EIF2AK4: variants seen among roughly 807,000 people sequenced by gnomAD.
EIF2AK4 encodes the protein eukaryotic translation initiation factor 2 alpha kinase 4, also known as eIF-2-alpha kinase GCN2.
A neutral mutation model predicts 211.1 loss-of-function variants in EIF2AK4; 139 were observed. The ratio of observed to expected loss-of-function variants is 0.66; its 90% confidence interval spans 0.57 to 0.76. EIF2AK4 has a LOEUF of 0.76. EIF2AK4 is among the 30% of genes least tolerant of loss of function. EIF2AK4 has a pLI of 0.00. For synonymous variants in EIF2AK4, 710 were observed against 751.3 expected (o/e 0.94, Z 0.90); for missense variants, 1,664 against 2,043.8 (o/e 0.81, Z 3.58).
chr15:39,972,042 G>C (rs538304715), intron 9 of EIF2AK4, among the ~76,000 whole-genome samples: 2 of 152,038 alleles, frequency 1.3e-5, no homozygotes, highest in Non-Finnish European at 2.9e-5. Flanking sequence ...TAAGTTAATG[G>C]GTTCAAGGAA....
intron 32 of EIF2AK4, among the ~76,000 whole-genome samples, chr15:40,023,259 A>G (rs542263743): frequency 6.6e-6 from 1 of 152,312 alleles, no homozygotes; most frequent in African/African-American, 2.4e-5. Flanking sequence ...ATTCAACTAA[A>G]AGTGTTCATA....
chr15:40,016,735 A>G, intron 28 of EIF2AK4, 63 bp downstream of exon 28: 1 of 1,552,340 alleles, frequency 6.4e-7, no homozygotes, highest in East Asian at 2.3e-5. Flanking sequence ...ACAGGGAGGA[A>G]ATGTGTTTCA....
chr15:39,979,587 A>C (rs2034751316), intron 13 of EIF2AK4, among the ~76,000 whole-genome samples: 1 of 152,230 alleles, frequency 6.6e-6, no homozygotes, highest in Admixed American at 6.5e-5. Context: ...TACATGTAAA[A>C]TGTACTGACA....
At chr15:40,032,344 C>A in intron 36 of EIF2AK4, 107 bp downstream of exon 36, 1 of 910,516 alleles carries the variant, frequency 1.1e-6, no homozygotes, top group Non-Finnish European at 1.8e-6. Context: ...AATTTGGATG[C>A]AGGCCTTATT....
chr15:40,027,783 C>T (rs887783399), intron 33 of EIF2AK4, among the ~76,000 whole-genome samples: 26 of 151,702 alleles, frequency 1.7e-4, no homozygotes, highest in African/African-American at 4.8e-4. Flanking sequence ...CCCAGCTACT[C>T]GGGAGGCTGA....
At chr15:40,000,872 A>T in intron 20 of EIF2AK4, 116 bp from the exon 21 acceptor site, 1 of 967,978 alleles carries the variant, frequency 1.0e-6, no homozygotes, top group Non-Finnish European at 1.6e-6. Flanking sequence ...AATGTCAGTT[A>T]AGTGCAAGAA....
intron 3 of EIF2AK4, among the ~76,000 whole-genome samples, chr15:39,944,564 T>A (rs1237391147): frequency 1.3e-5 from 2 of 150,976 alleles, no homozygotes; most frequent in Admixed American, 6.6e-5. Flanking sequence ...CCCGAGTAGC[T>A]GGGACTACAG....
chr15:39,999,221 C>G (rs1434858464), intron 20 of EIF2AK4, among the ~76,000 whole-genome samples: 2 of 152,072 alleles, frequency 1.3e-5, no homozygotes, highest in Non-Finnish European at 2.9e-5. Flanking sequence ...TCTATTGTCA[C>G]AGTATTTTAA....
chr15:39,960,025 A>G (rs187842515), intron 6 of EIF2AK4, among the ~76,000 whole-genome samples: 9 of 152,018 alleles, frequency 5.9e-5, no homozygotes, highest in Non-Finnish European at 1.0e-4. Context: ...TTAGCTAGGC[A>G]TGGTGGCGGG....
chr15:40,008,040 C>T lies in EIF2AK4; in HGVS notation c.3421C>T (p.Arg1141Cys), dbSNP rs752209586. Reference sequence around the variant, plus strand: ...TTCTCTCTCCAGATACTGCATAGAACGTGTGTTCAGGCCGCGCAAGTTAGA... The same window carrying T: ...TTCTCTCTCCAGATACTGCATAGAATGTGTGTTCAGGCCGCGCAAGTTAGA... Reference protein sequence around the residue: ...ILNLKRYCIERVFRPRKLDRF... With the variant: ...ILNLKRYCIECVFRPRKLDRF... Residue 1141 changes from arginine (R) to cysteine (C), a missense_variant, in exon 25 of 39, where the codon CGT becomes TGT. By Grantham distance (180) the Arg-to-Cys change is radical (BLOSUM62 -3). Around this residue, in one of 7 missense-constraint regions of EIF2AK4, gnomAD observed 622 missense variants for 796.8 expected, o/e 0.78. Coordinates refer to ENST00000263791, the MANE Select transcript of EIF2AK4 (RefSeq NM_001013703.4). 1.6e-5 allele frequency: 25 copies of T among 1,598,806 alleles called. No homozygotes were observed. Among genetic ancestry groups the T allele is most frequent in the Non-Finnish European group, 2.0e-5 (24 of 1,173,572 alleles).
At chr15:39,997,457 G>C (rs1358790626) in intron 19 of EIF2AK4, among the ~76,000 whole-genome samples, 1 of 152,130 alleles carries the variant, frequency 6.6e-6, no homozygotes, top group East Asian at 1.9e-4. Context: ...CTAGGTTATA[G>C]TTGCTTTTTA....
intron 13 of EIF2AK4, among the ~76,000 whole-genome samples, chr15:39,983,685 G>A (rs552956547): frequency 1.3e-5 from 2 of 152,308 alleles, no homozygotes; most frequent in South Asian, 2.1e-4. Context: ...CAGGTGAACC[G>A]ACTGCCTCGG....
intron 13 of EIF2AK4, among the ~76,000 whole-genome samples, chr15:39,982,693 C>T (rs141278309): frequency 0.01 from 1,527 of 152,262 alleles, 28 homozygotes; most frequent in African/African-American, 0.036. Flanking sequence ...TATCCCTCCC[C>T]TAGCTCCCCA....
intron 23 of EIF2AK4, 125 bp from the exon 24 acceptor site, chr15:40,006,891 A>G (rs2035169273): frequency 3.0e-6 from 2 of 671,216 alleles, no homozygotes; most frequent in Admixed American, 2.8e-5. Flanking sequence ...GAATACACTA[A>G]AAGCCACTGA....
intron 30 of EIF2AK4, among the ~76,000 whole-genome samples, chr15:40,020,175 A>AG (rs1455665145): frequency 6.6e-6 from 1 of 151,372 alleles, no homozygotes; most frequent in Non-Finnish European, 1.5e-5. Context: ...CAAAAAAAAA[A>AG]AAAGAAAAAA....
intron 20 of EIF2AK4, 113 bp from the exon 21 acceptor site, chr15:40,000,873 AGT>A: frequency 1.0e-6 from 1 of 978,482 alleles, no homozygotes; most frequent in African/African-American, 1.6e-5. Flanking sequence ...ATGTCAGTTA[AGT>A]GCAAGAATAG....
At chr15:40,011,195 A>G (rs1055455503) in intron 26 of EIF2AK4, 86 bp from the exon 27 acceptor site, 2 of 1,087,712 alleles carry the variant, frequency 1.8e-6, no homozygotes, top group East Asian at 2.4e-5. Context: ...AATGAAGGCT[A>G]TACTTGTTAG....
chr15:40,000,549 A>G (rs543664130), intron 20 of EIF2AK4, among the ~76,000 whole-genome samples: 2 of 152,340 alleles, frequency 1.3e-5, no homozygotes, highest in South Asian at 4.1e-4. Flanking sequence ...ACATAAATGG[A>G]GAAGAAACCA....
intron 21 of EIF2AK4, 48 bp from the exon 22 acceptor site, chr15:40,002,665 C>G: frequency 1.3e-6 from 2 of 1,584,266 alleles, no homozygotes. Context: ...TTTAAAGGAT[C>G]CCTTTGATAA....
Sources: allele counts gnomAD v4.1 joint callset (sites outside exome capture counted in the v4.1 genomes callset), GRCh38; gene constraint gnomAD v4.1.1; regional missense constraint gnomAD v4.1.1; transcripts MANE v1.5; gene names NCBI Gene and HGNC (gene_info 2026-07-23, HGNC 2026-07-21).